Variants in MIPEP observed in about 807,000 individuals in gnomAD.
The protein encoded by MIPEP is mitochondrial intermediate peptidase.
In MIPEP, 79 loss-of-function variants were observed where a neutral mutation model predicts 90.3. The observed-to-expected ratio is 0.87, with a 90% CI of 0.73 to 1.05. MIPEP has a LOEUF of 1.05. MIPEP is among the 50% of genes least tolerant of loss of function. MIPEP has a pLI of 0.00. For missense variants in MIPEP, 940 were observed against 905.6 expected (o/e 1.04, Z -0.49); for synonymous variants, 334 against 315.8 (o/e 1.06, Z -0.61).
chr13:23,854,535 A>G (rs1204917147), intron 10 of MIPEP, among the ~76,000 whole-genome samples: 1 of 152,158 alleles, frequency 6.6e-6, no homozygotes. Context: ...TTTTAAGAAT[A>G]TATCTTAGCA....
intron 16 of MIPEP, among the ~76,000 whole-genome samples, chr13:23,762,864 G>A (rs1952562637): frequency 6.6e-6 from 1 of 152,222 alleles, no homozygotes; most frequent in Non-Finnish European, 1.5e-5. Context: ...TGCTGGAGGT[G>A]CAACAGATGC....
At chr13:23,770,137 G>A (rs955395497) in intron 16 of MIPEP, among the ~76,000 whole-genome samples, 22 of 152,138 alleles carry the variant, frequency 1.4e-4, no homozygotes, top group African/African-American at 4.6e-4. Flanking sequence ...CTAGGAAAGG[G>A]CCTACTGACT....
intron 16 of MIPEP, among the ~76,000 whole-genome samples, chr13:23,768,553 C>CA (rs547879018): frequency 1.2e-3 from 181 of 151,900 alleles, no homozygotes; most frequent in Admixed American, 1.4e-3. Flanking sequence ...CCATCTCTAC[C>CA]AAAAAAACAA....
At chr13:23,870,465 C>T (rs987960110) in intron 5 of MIPEP, among the ~76,000 whole-genome samples, 1 of 151,934 alleles carries the variant, frequency 6.6e-6, no homozygotes, top group Non-Finnish European at 1.5e-5. Context: ...ACTTCTAGTT[C>T]TATTTTATGT....
intron 10 of MIPEP, among the ~76,000 whole-genome samples, chr13:23,852,705 T>C (rs1869849560): frequency 6.6e-6 from 1 of 152,210 alleles, no homozygotes; most frequent in African/African-American, 2.4e-5. Context: ...ATACTTTCTA[T>C]CACTATTTTG....
chr13:23,851,823 C>T (rs994557620), intron 10 of MIPEP, among the ~76,000 whole-genome samples: 2 of 152,038 alleles, frequency 1.3e-5, no homozygotes, highest in Non-Finnish European at 2.9e-5. Context: ...GCCTCCAAGT[C>T]GCTGGGATTA....
At chr13:23,770,626 G>C (rs1037035034) in intron 16 of MIPEP, among the ~76,000 whole-genome samples, 1 of 151,918 alleles carries the variant, frequency 6.6e-6, no homozygotes, top group Non-Finnish European at 1.5e-5. Flanking sequence ...GTGCTCTCTG[G>C]TGTGGCTGAT....
At chr13:23,854,311 T>C (rs1359222731) in intron 10 of MIPEP, among the ~76,000 whole-genome samples, 1 of 151,860 alleles carries the variant, frequency 6.6e-6, no homozygotes, top group Non-Finnish European at 1.5e-5. Flanking sequence ...TTCTTTTTCT[T>C]TTGACTGAGC....
chr13:23,831,385 G>GCGGGA (rs57512059), intron 14 of MIPEP, among the ~76,000 whole-genome samples: 52,906 of 132,662 alleles, frequency 0.4, 13,886 homozygotes, highest in South Asian at 0.61. Context: ...CCCCATGGCG[G>GCGGGA]GGGGGGGATG....
chr13:23,760,878 T>C (rs1258551788), intron 16 of MIPEP, among the ~76,000 whole-genome samples: 1 of 152,196 alleles, frequency 6.6e-6, no homozygotes, highest in Non-Finnish European at 1.5e-5. Context: ...CACATGACTA[T>C]CTACAAAAAC....
intron 4 of MIPEP, among the ~76,000 whole-genome samples, chr13:23,877,508 ATGGCC>A (rs1871116720): frequency 6.6e-6 from 1 of 152,166 alleles, no homozygotes; most frequent in Non-Finnish European, 1.5e-5. Context: ...AGGTTTCTTT[ATGGCC>A]TGGCTTCTCA....
In MIPEP at chr13:23,791,106, T is replaced by C. The variant is rs558564591; in HGVS notation, c.1848+14844A>G. On this transcript the variant is annotated intron_variant, in intron 16 of 18. Coordinates refer to ENST00000382172, the MANE Select transcript of MIPEP (RefSeq NM_005932.4). ...TGTTCACCAGGCCAGAGCTCCCTCA[T>C]GTGCTCACTGTCCTCTGCCTTGTTA... Among the ~76,000 whole-genome samples the C allele has an allele frequency of 7.2e-5, 11 of 152,312 alleles. No homozygotes were observed. The East Asian group carries it at 7.7e-4, about 11-fold the overall frequency.
At chr13:23,843,097 CAAAAAAAAA>C (rs397977292) in intron 10 of MIPEP, among the ~76,000 whole-genome samples, 1 of 53,562 alleles carries the variant, frequency 1.9e-5, no homozygotes, top group African/African-American at 6.1e-5. Flanking sequence ...CTCTCCATCT[CAAAAAAAAA>C]AAAAAAAAAA....
chr13:23,794,332 T>G (rs1952933827), intron 16 of MIPEP, among the ~76,000 whole-genome samples: 1 of 152,120 alleles, frequency 6.6e-6, no homozygotes, highest in African/African-American at 2.4e-5. Flanking sequence ...TATTACTTAC[T>G]CAACATAAAA....
At chr13:23,826,073 A>G (rs781733091) in intron 14 of MIPEP, among the ~76,000 whole-genome samples, 6 of 152,156 alleles carry the variant, frequency 3.9e-5, no homozygotes, top group Non-Finnish European at 8.8e-5. Flanking sequence ...AGGAAAAAAA[A>G]AAGATTTTAA....
intron 10 of MIPEP, 30 bp from the exon 11 acceptor site, chr13:23,841,518 T>C: frequency 6.4e-7 from 1 of 1,562,444 alleles, no homozygotes. Context: ...TTCAACAGCA[T>C]CTTTGTTTAT....
intron 14 of MIPEP, among the ~76,000 whole-genome samples, chr13:23,822,341 G>C (rs1334679978): frequency 1.3e-5 from 2 of 152,128 alleles, no homozygotes; most frequent in African/African-American, 2.4e-5. Context: ...AGACAATGCA[G>C]CCTGTCTAAT....
chr13:23,745,845 G>A (rs983188775), intron 18 of MIPEP, among the ~76,000 whole-genome samples: 5 of 151,488 alleles, frequency 3.3e-5, no homozygotes, highest in East Asian at 2.0e-4. Context: ...CAGGAGAATC[G>A]CTTGAACCTG....
intron 4 of MIPEP, among the ~76,000 whole-genome samples, chr13:23,876,605 C>CT (rs869055586): frequency 6.9e-6 from 1 of 145,020 alleles, no homozygotes; most frequent in Non-Finnish European, 1.5e-5. Context: ...TTTTGTTCTT[C>CT]TTTTTTTAAA....
Sources: gnomAD v4.1 joint callset for allele counts (sites outside exome capture counted in the v4.1 genomes callset) on GRCh38, gnomAD v4.1.1 for gene constraint, MANE v1.5 for transcripts, NCBI Gene and HGNC (gene_info 2026-07-23, HGNC 2026-07-21) for gene names.